The following TDRD5 variants were observed in gnomAD, a reference collection of about 807,000 sequenced individuals.
The protein encoded by TDRD5 is tudor domain-containing protein 5.
TDRD5 carries 41 observed loss-of-function variants against 120.6 expected under a neutral mutation model. The ratio of observed to expected loss-of-function variants is 0.34; its 90% CI spans 0.26 to 0.44. The LOEUF (loss-of-function observed/expected upper bound fraction) is 0.44, where lower values mean the gene tolerates loss of function less well. Ranked by LOEUF, TDRD5 falls within the 20% of genes least tolerant of loss-of-function variation. TDRD5 has a pLI of 1.00. For missense variants in TDRD5, 1,006 were observed against 1,221.2 expected, an observed-to-expected ratio of 0.82 and a Z score of 2.63; for synonymous variants, 430 against 433.7, an observed-to-expected ratio of 0.99 and a Z score of 0.11.
At chr1:179,682,792 C>A (rs2147811935) in intron 17 of TDRD5, among the ~76,000 whole-genome samples, 1 of 152,000 alleles carries the variant, frequency 6.6e-6, no homozygotes, top group East Asian at 1.9e-4. Flanking sequence ...TACCTAATAC[C>A]TTCTGAGATT....
In TDRD5 at chr1:179,662,300, A is replaced by G; in HGVS notation, c.2505+14A>G. ...ATGCCACAGAAGGTTAGATCCTTGG[A>G]AAAATAGAAAGCAAATCAGGCCGGG... On this transcript the variant is annotated intron_variant, in intron 15 of 17. Coordinates refer to ENST00000444136, the MANE Select transcript of TDRD5 (RefSeq NM_001199085.3). 1.9e-6 allele frequency: 3 copies of G among 1,597,124 alleles called. No individual in the cohort carries two copies. The highest frequency in any genetic ancestry group is 2.6e-6 in the Non-Finnish European group (3 of 1,174,484).
chr1:179,626,186 A>G (rs1363483702), intron 6 of TDRD5, among the ~76,000 whole-genome samples: 2 of 152,082 alleles, frequency 1.3e-5, no homozygotes, highest in Admixed American at 1.3e-4. Context: ...CACAATGTGC[A>G]CATGTACCCT....
At chr1:179,625,115 A>G (rs1233490480) in intron 6 of TDRD5, among the ~76,000 whole-genome samples, 1 of 146,778 alleles carries the variant, frequency 6.8e-6, no homozygotes, top group Admixed American at 6.9e-5. Context: ...ACTGAATGCA[A>G]GATACAACTG....
intron 7 of TDRD5, among the ~76,000 whole-genome samples, chr1:179,631,999 C>T (rs571022273): frequency 5.3e-5 from 8 of 151,750 alleles, no homozygotes; most frequent in African/African-American, 1.9e-4. Context: ...CTCCGCCTCG[C>T]GGGTTCATGC....
chr1:179,668,817 A>G (rs1679698215), intron 16 of TDRD5, among the ~76,000 whole-genome samples: 1 of 138,150 alleles, frequency 7.2e-6, no homozygotes, highest in African/African-American at 2.7e-5. Flanking sequence ...ACCTCGGCTC[A>G]CTGCAACCTG....
At chr1:179,645,310 C>T (rs1403715614) in intron 11 of TDRD5, among the ~76,000 whole-genome samples, 1 of 151,764 alleles carries the variant, frequency 6.6e-6, no homozygotes, top group African/African-American at 2.4e-5. Flanking sequence ...TGGTCTCGAT[C>T]TCCTGACCTC....
chr1:179,592,392 C>T (rs35577489), intron 1 of TDRD5: 132 of 513,108 alleles, frequency 2.6e-4, no homozygotes, highest in Non-Finnish European at 4.3e-4. Flanking sequence ...GGGCAGAGTT[C>T]TTGACACCTG....
Position 179,627,915 on chromosome 1 carries a change from ATAATG to A in TDRD5, c.973-2851_973-2847del, listed in dbSNP as rs1677215018. Among the ~76,000 whole-genome samples the A allele has an allele frequency of 7.9e-5, 12 of 152,338 alleles. No homozygotes were observed. In the South Asian group the frequency reaches 2.5e-3, roughly 32 times the overall value. On this transcript the variant is annotated intron_variant, in intron 6 of 17. Coordinates refer to ENST00000444136, the MANE Select transcript of TDRD5 (RefSeq NM_001199085.3). Reference sequence around the variant, plus strand: ...TACATCTATAGAGTGTTCCAACTAAATAATGAAAAGGAATTGACAGAATGCTGCTG... The same window carrying A: ...TACATCTATAGAGTGTTCCAACTAAAAAAAGGAATTGACAGAATGCTGCTG...
Position 179,634,120 on chromosome 1 carries a change from G to A in TDRD5, c.1127-337G>A, listed in dbSNP as rs550979391. ...CAGGAGGCGGAACTTGCAGTGAGCC[G>A]AGATCGCACCACTGCACTCCAGTCT... On this transcript the variant is annotated intron_variant, in intron 7 of 17. Transcript: ENST00000444136. Among the ~76,000 whole-genome samples the A allele has an allele frequency of 2.7e-3, 410 of 149,528 alleles. 3 individuals are homozygous for A. The highest frequency in any genetic ancestry group is 9.5e-3 in the African/African-American group (387 of 40,854).
Position 179,646,850 on chromosome 1 carries a change from A to G in TDRD5, c.1801-4017A>G, listed in dbSNP as rs556776598. ...AATCATGAGTGAACTCCCATCCACAATTGCTTCAAAGAGAATAAAATACCT... is the reference window on the plus strand; with the variant it reads ...AATCATGAGTGAACTCCCATCCACAGTTGCTTCAAAGAGAATAAAATACCT... On this transcript the variant is annotated intron_variant, in intron 11 of 17. Coordinates refer to ENST00000444136, the MANE Select transcript of TDRD5 (RefSeq NM_001199085.3). Among the ~76,000 whole-genome samples, 37 of 152,158 alleles carry G rather than the reference A, an allele frequency of 2.4e-4. No homozygotes were observed. The East Asian group carries it at 3.7e-3, about 15-fold the overall frequency.
chr1:179,609,064 A>C (rs1199765221), intron 4 of TDRD5, among the ~76,000 whole-genome samples: 1 of 152,172 alleles, frequency 6.6e-6, no homozygotes. Context: ...TGAATAGCTT[A>C]TAAGAAGAGA....
chr1:179,683,890 G>A (rs1192902280), intron 17 of TDRD5, among the ~76,000 whole-genome samples: 1 of 152,070 alleles, frequency 6.6e-6, no homozygotes, highest in East Asian at 1.9e-4. Flanking sequence ...TTCATTGTAG[G>A]CAGGTAATAA....
chr1:179,617,649 T>A (rs12041396), intron 4 of TDRD5, among the ~76,000 whole-genome samples: 13,670 of 152,154 alleles, frequency 0.09, 683 homozygotes, highest in Middle Eastern at 0.12. Flanking sequence ...TTCAGTTATC[T>A]ACTTTAATGT....
Position 179,635,855 on chromosome 1 carries a change from A to C in TDRD5, c.1488A>C (p.Ser496=), listed in dbSNP as rs200365725. The C allele has an allele frequency of 5.0e-6, 8 of 1,613,786 alleles. No homozygotes were observed. In the South Asian group the frequency reaches 7.7e-5, roughly 16 times the overall value. The change falls in exon 9 of 18, where the codon TCA becomes TCC. Residue 496 remains serine, a synonymous_variant. Coordinates refer to ENST00000444136, the MANE Select transcript of TDRD5 (RefSeq NM_001199085.3). ...FYIRIYSRDS[S]ELLEDMMIEM... is the part of the protein sequence containing the mutation. ...TCCGGATCTATAGCAGGGATTCGTCAGAGTTACTCGAAGACATGATGATTG... is the reference window on the plus strand; with the variant it reads ...TCCGGATCTATAGCAGGGATTCGTCCGAGTTACTCGAAGACATGATGATTG...
intron 11 of TDRD5, among the ~76,000 whole-genome samples, chr1:179,645,942 A>C (rs1017189040): frequency 4.0e-5 from 6 of 151,824 alleles, no homozygotes; most frequent in Non-Finnish European, 7.4e-5. Context: ...TCTACTTTGA[A>C]CCCTTCTCTA....
chr1:179,615,682 A>G (rs1239647323), intron 4 of TDRD5, among the ~76,000 whole-genome samples: 1 of 151,978 alleles, frequency 6.6e-6, no homozygotes, highest in African/African-American at 2.4e-5. Flanking sequence ...GCCCTCTATA[A>G]TTATAGATAT....
chr1:179,660,515 T>C (rs35663927), intron 14 of TDRD5, among the ~76,000 whole-genome samples: 1 of 152,140 alleles, frequency 6.6e-6, no homozygotes, highest in East Asian at 1.9e-4. Context: ...ATTTGTATAG[T>C]GTTTTTAGTG....
intron 17 of TDRD5, among the ~76,000 whole-genome samples, chr1:179,688,140 T>C (rs1680849677): frequency 6.6e-6 from 1 of 151,926 alleles, no homozygotes; most frequent in African/African-American, 2.4e-5. Context: ...TTCCTAGCAT[T>C]GATGGTCTTT....
chr1:179,671,949 GGTGTGT>G (rs111855083), intron 17 of TDRD5, among the ~76,000 whole-genome samples: 16,770 of 141,690 alleles, frequency 0.12, 1,052 homozygotes, highest in Non-Finnish European at 0.13. Flanking sequence ...AATATTCCAT[GGTGTGT>G]GTGTGTGTGT....
Sources: gnomAD v4.1 joint callset for allele counts (sites outside exome capture counted in the v4.1 genomes callset) on GRCh38, gnomAD v4.1.1 for gene constraint, MANE v1.5 for transcripts, NCBI Gene and HGNC (gene_info 2026-07-23, HGNC 2026-07-21) for gene names.